SLC5A11: variants seen among roughly 807,000 people sequenced by gnomAD.
SLC5A11 encodes sodium/myo-inositol cotransporter 2.
Under a neutral mutation model 69.8 loss-of-function variants are expected in SLC5A11, and 48 were observed. The ratio of observed to expected loss-of-function variants is 0.69; its 90% confidence interval spans 0.55 to 0.87. SLC5A11 has a LOEUF of 0.87. SLC5A11 is among the 40% of genes least tolerant of loss of function. The probability of loss-of-function intolerance (pLI) is 0.00; values close to 1 mark genes in which losing one functional copy is unlikely to be tolerated. For missense variants in SLC5A11, 784 were observed against 866.1 expected, an observed-to-expected ratio of 0.91 and a Z score of 1.19; for synonymous variants, 319 against 342.4, an observed-to-expected ratio of 0.93 and a Z score of 0.75.
At chr16:24,878,096 A>C (rs80251808) in intron 7 of SLC5A11, among the ~76,000 whole-genome samples, 20,313 of 152,254 alleles carry the variant, frequency 0.13, 1,522 homozygotes, top group South Asian at 0.16. Flanking sequence ...CGGACGTTGC[A>C]GTGAGCCAAG....
intron 10 of SLC5A11, among the ~76,000 whole-genome samples, chr16:24,903,176 G>T (rs2152408140): frequency 6.6e-6 from 1 of 151,102 alleles, no homozygotes; most frequent in South Asian, 2.1e-4. Context: ...CAGAATCCCT[G>T]GAGGGACATC....
intron 1 of SLC5A11, among the ~76,000 whole-genome samples, chr16:24,849,548 CAG>C (rs1304473082): frequency 8.6e-6 from 1 of 116,266 alleles, no homozygotes; most frequent in Non-Finnish European, 1.7e-5. Flanking sequence ...GCCTGGGTAA[CAG>C]AGCGAGACTC....
At chr16:24,881,009 G>T (rs943587944) in intron 7 of SLC5A11, among the ~76,000 whole-genome samples, 2 of 152,038 alleles carry the variant, frequency 1.3e-5, no homozygotes, top group Non-Finnish European at 2.9e-5. Flanking sequence ...TTCGAGACCA[G>T]CCTGGCCAAT....
chr16:24,905,293 A>AAC (rs2049947685), intron 10 of SLC5A11, among the ~76,000 whole-genome samples: 2 of 148,762 alleles, frequency 1.3e-5, no homozygotes, highest in African/African-American at 4.9e-5. Flanking sequence ...AAAAAAAAAA[A>AAC]AAACCTGGGT....
chr16:24,884,575 T>C lies in SLC5A11; in HGVS notation c.664+444T>C, dbSNP rs2048277849. On this transcript the variant is annotated intron_variant, in intron 8 of 15. Coordinates refer to ENST00000347898, the Ensembl canonical transcript of SLC5A11. ...TATGTTGCCCAGGCTGATCTCAAAC[T>C]CCTGGCCTCAAGTGATTCTCCTGCC... Among the ~76,000 whole-genome samples, 4 of 142,778 alleles carry C rather than the reference T, an allele frequency of 2.8e-5. No individual in the cohort carries two copies. In the South Asian group the frequency reaches 9.6e-4, roughly 34 times the overall value. 93.7% of individuals were successfully genotyped at this position (142,778 alleles called of 152,430 possible). A position where few individuals can be genotyped will look rare whatever the true frequency, so the allele number is the denominator to read the frequency against.
rs34703027 is a variant in SLC5A11, at chr16:24,905,269, CAAAAAAAA to C, written c.1007-1368_1007-1361del. Among the ~76,000 whole-genome samples, 58 of 80,410 alleles carry C rather than the reference CAAAAAAAA, an allele frequency of 7.2e-4. 1 individual carries two copies. The highest frequency in any genetic ancestry group is 2.9e-3 in the African/African-American group (57 of 19,490). 52.8% of individuals were successfully genotyped at this position (80,410 alleles called of 152,430 possible). On this transcript the variant is annotated intron_variant, in intron 10 of 15. Coordinates refer to ENST00000347898, the Ensembl canonical transcript of SLC5A11. The stretch of plus-strand genomic sequence containing the variant: ...TGGAACCCCGTCTCTACTAAAAATA[CAAAAAAAA>C]AAAAAAAAAAAAAAAAAAACCTGGG...
At chr16:24,903,461 C>G (rs750070488) in intron 10 of SLC5A11, among the ~76,000 whole-genome samples, 19 of 152,142 alleles carry the variant, frequency 1.2e-4, no homozygotes, top group Non-Finnish European at 2.5e-4. Flanking sequence ...TCCTGTCTAG[C>G]TGTACTTTTC....
At position 24,869,897 on chromosome 16, in the gene SLC5A11, A is replaced by G; in HGVS notation, c.208-4A>G. 3 of 1,612,566 alleles carry G rather than the reference A, an allele frequency of 1.9e-6. No individual in the cohort carries two copies. Among genetic ancestry groups the G allele is most frequent in the Middle Eastern group, 1.7e-4 (1 of 6,058 alleles). On this transcript the variant is annotated splice_polypyrimidine_tract_variant and splice_region_variant and intron_variant, in intron 3 of 15. Coordinates refer to ENST00000347898, the Ensembl canonical transcript of SLC5A11. ...CAAGATCTGACCCGTCCATCTCCCC[A>G]CAGGTGGGTGCATCCTTGTTTGCCA...
At chr16:24,873,859 T>C (rs1317037510) in intron 5 of SLC5A11, among the ~76,000 whole-genome samples, 1 of 146,960 alleles carries the variant, frequency 6.8e-6, no homozygotes, top group African/African-American at 2.5e-5. Flanking sequence ...AGAGTTTCGC[T>C]CTGCTGCCCA....
intron 10 of SLC5A11, among the ~76,000 whole-genome samples, chr16:24,904,213 T>C (rs1195070979): frequency 1.1e-4 from 17 of 152,174 alleles, no homozygotes; most frequent in Admixed American, 1.3e-4. Context: ...GAGATTACAA[T>C]TGGAGATGAG....
chr16:24,877,034 G>A (rs1374520453), intron 6 of SLC5A11: 2 of 1,347,610 alleles, frequency 1.5e-6, no homozygotes, highest in Non-Finnish European at 1.9e-6. Flanking sequence ...AAAAGCAGAA[G>A]CAGGAAGACC....
chr16:24,888,783 CTTTTTTTTTT>C (rs1169015317), intron 8 of SLC5A11, among the ~76,000 whole-genome samples: 6 of 45,756 alleles, frequency 1.3e-4, no homozygotes, highest in East Asian at 6.7e-4. Context: ...CGTGCCTGTC[CTTTTTTTTTT>C]TTTTTTTTTT....
chr16:24,909,428 C>T (rs534509972), intron 14 of SLC5A11, among the ~76,000 whole-genome samples: 67 of 151,916 alleles, frequency 4.4e-4, no homozygotes, highest in African/African-American at 1.6e-3. Context: ...TCACTTGAGG[C>T]CAGGAGTTTG....
intron 1 of SLC5A11, among the ~76,000 whole-genome samples, chr16:24,853,221 G>A (rs1324198882): frequency 6.7e-6 from 1 of 149,980 alleles, no homozygotes; most frequent in African/African-American, 2.5e-5. Flanking sequence ...CACCCAGATG[G>A]TGCCTAATAA....
intron 13 of SLC5A11, among the ~76,000 whole-genome samples, chr16:24,908,444 C>T (rs1487382923): frequency 6.6e-6 from 1 of 151,694 alleles, no homozygotes; most frequent in Admixed American, 6.6e-5. Context: ...ACTCAAAATA[C>T]AAAAATTAGC....
At chr16:24,854,296 C>T (rs1048386571) in intron 1 of SLC5A11, among the ~76,000 whole-genome samples, 1 of 152,204 alleles carries the variant, frequency 6.6e-6, no homozygotes, top group Admixed American at 6.5e-5. Flanking sequence ...GTTTTAGAAG[C>T]AGCAGGTTGA....
chr16:24,882,562 A>G (rs2048115993), intron 7 of SLC5A11, among the ~76,000 whole-genome samples: 1 of 152,232 alleles, frequency 6.6e-6, no homozygotes, highest in South Asian at 2.1e-4. Flanking sequence ...GAGGAAGAAC[A>G]GAGGTTTAAG....
At chr16:24,890,799 C>T in intron 8 of SLC5A11, 70 bp from the exon 10 acceptor site, 1 of 1,456,734 alleles carries the variant, frequency 6.9e-7, no homozygotes, top group Admixed American at 1.7e-5. Context: ...CACCAGTCTC[C>T]AGCCATCTCC....
chr16:24,905,683 C>G (rs965189591), intron 10 of SLC5A11, among the ~76,000 whole-genome samples: 7 of 139,896 alleles, frequency 5.0e-5, no homozygotes, highest in Non-Finnish European at 9.5e-5. Flanking sequence ...CACACACACA[C>G]AGAGTTTAGA....
Sources: gnomAD v4.1 joint callset for allele counts (sites outside exome capture counted in the v4.1 genomes callset) on GRCh38, gnomAD v4.1.1 for gene constraint, MANE v1.5 for transcripts, NCBI Gene and HGNC (gene_info 2026-07-23, HGNC 2026-07-21) for gene names.